JAKMIP1: variants seen among roughly 807,000 people sequenced by gnomAD.
JAKMIP1 encodes janus kinase and microtubule-interacting protein 1.
Under a neutral mutation model 113.0 loss-of-function variants are expected in JAKMIP1, and 33 were observed. The observed-to-expected ratio is 0.29, with a 90% CI of 0.22 to 0.39. The LOEUF is 0.39. Ranked by LOEUF, JAKMIP1 falls within the 10% of genes least tolerant of loss-of-function variation. JAKMIP1 has a pLI of 1.00. For synonymous variants in JAKMIP1, 480 were observed against 459.9 expected (o/e 1.04, Z -0.56); for missense variants, 813 against 1,080.5 (o/e 0.75, Z 3.47).
rs543781689 is a variant in JAKMIP1, at chr4:6,067,859, C to A, written c.1303-2851G>T. On this transcript the variant is annotated intron_variant, in intron 8 of 20. Coordinates refer to ENST00000409021, the MANE Select transcript of JAKMIP1 (RefSeq NM_001099433.2). The surrounding 1 kb of genome is among the most constrained non-coding windows in gnomAD (Gnocchi z 4.6). The stretch of plus-strand genomic sequence containing the variant: ...TCTTCTGCACACGCAGGTCACCCCC[C>A]TGAGCTCCACGTTCCACATTTTTCT... Among the ~76,000 whole-genome samples the A allele has an allele frequency of 6.6e-6, 1 of 152,058 alleles. No individual in the cohort carries two copies. Among genetic ancestry groups the A allele is most frequent in the African/African-American group, 2.4e-5 (1 of 41,400 alleles).
In JAKMIP1 at chr4:6,175,466, A is replaced by G. The variant is rs149593090; in HGVS notation, c.-148+24787T>C. Among the ~76,000 whole-genome samples the G allele has an allele frequency of 1.9e-4, 29 of 152,368 alleles. 1 individual carries two copies. In the East Asian group the frequency reaches 5.2e-3, roughly 27 times the overall value. On this transcript the variant is annotated intron_variant, in intron 1 of 20. Transcript: ENST00000409021. The stretch of plus-strand genomic sequence containing the variant: ...TTTGCAACACTTTCAAGAATTTTGT[A>G]GACAATTTTCAAAGTTCCCAGTAGC...
chr4:6,028,776 C>T (rs373091862), intron 20 of JAKMIP1, among the ~76,000 whole-genome samples: 104 of 152,334 alleles, frequency 6.8e-4, no homozygotes, highest in African/African-American at 1.9e-3. Context: ...ATGCCGGCCA[C>T]GGACCTCCTG....
chr4:6,082,434 G>A (rs1268744844), intron 5 of JAKMIP1, among the ~76,000 whole-genome samples: 1 of 151,508 alleles, frequency 6.6e-6, no homozygotes, highest in Non-Finnish European at 1.5e-5. Context: ...GAACCTTTAT[G>A]TAAAGTCAGT....
chr4:6,036,394 G>T (rs771655146), intron 18 of JAKMIP1, among the ~76,000 whole-genome samples: 1 of 152,218 alleles, frequency 6.6e-6, no homozygotes, highest in Non-Finnish European at 1.5e-5. Context: ...ATTCCCTTAA[G>T]ATGCATGACT....
In JAKMIP1 at chr4:6,167,226, T is replaced by C. The variant is rs530379501; in HGVS notation, c.-148+33027A>G. On this transcript the variant is annotated intron_variant, in intron 1 of 20. Coordinates refer to ENST00000409021, the MANE Select transcript of JAKMIP1 (RefSeq NM_001099433.2). The surrounding 1 kb of genome is among the most constrained non-coding windows in gnomAD (Gnocchi z 5.3). ...CCAGACCCAGGGCCTGTGAGTCCAC[T>C]TGGAGCACTCCCTCCCTCCCTCTTG... Among the ~76,000 whole-genome samples the C allele has an allele frequency of 2.1e-4, 32 of 152,244 alleles. No homozygotes were observed. Among genetic ancestry groups the C allele is most frequent in the African/African-American group, 7.5e-4 (31 of 41,538 alleles).
At position 6,042,476 on chromosome 4, in the gene JAKMIP1, GCCT is replaced by G; in HGVS notation, c.2029-252_2029-250del. ...ACGTGGTGTGGAAGCTGGATTCAGA[GCCT>G]GGATGGACCCGAGTGTGGGCGGCTG... is the stretch of plus-strand genomic sequence containing the variant. On this transcript the variant is annotated intron_variant, in intron 16 of 20. Transcript: ENST00000409021. The surrounding 1 kb of genome is among the most constrained non-coding windows in gnomAD (Gnocchi z 5.2). 6.6e-6 allele frequency among the ~76,000 whole-genome samples: 1 copy of G among 152,220 alleles called. No homozygotes were observed. Among genetic ancestry groups the G allele is most frequent in the East Asian group, 1.9e-4 (1 of 5,168 alleles).
At chr4:6,112,578 G>A (rs1315031973) in intron 2 of JAKMIP1, 144 bp downstream of exon 2, 16 of 998,822 alleles carry the variant, frequency 1.6e-5, no homozygotes, top group Non-Finnish European at 2.2e-5. Context: ...GTACTGCAAA[G>A]GGACAGACAG....
Position 6,108,453 on chromosome 4 carries a change from T to G in JAKMIP1, c.130-2486A>C, listed in dbSNP as rs1578255960. On this transcript the variant is annotated intron_variant, in intron 2 of 20. Transcript: ENST00000409021. The surrounding 1 kb of genome is among the most constrained non-coding windows in gnomAD (Gnocchi z 5.6). ...CAAGAGAGGGAGCATGCCCTGGGGG[T>G]GTGGGGGCTGGCGTGGAGAAATTAT... Among the ~76,000 whole-genome samples the G allele has an allele frequency of 6.6e-6, 1 of 152,066 alleles. No individual in the cohort carries two copies. The highest frequency in any genetic ancestry group is 2.4e-5 in the African/African-American group (1 of 41,418).
chr4:6,134,548 G>T (rs1326160381), intron 1 of JAKMIP1, among the ~76,000 whole-genome samples: 1 of 152,084 alleles, frequency 6.6e-6, no homozygotes, highest in African/African-American at 2.4e-5. Flanking sequence ...CTGGGTCAAG[G>T]GCTTCCTCTG....
intron 1 of JAKMIP1, among the ~76,000 whole-genome samples, chr4:6,119,348 AGCCTGACCCAAC>A (rs1716353905): frequency 6.6e-6 from 1 of 151,974 alleles, no homozygotes. Flanking sequence ...GTTCGAGACT[AGCCTGACCCAAC>A]ATGAAGAAAC....
intron 20 of JAKMIP1, among the ~76,000 whole-genome samples, chr4:6,028,897 C>T (rs1349277941): frequency 6.6e-6 from 1 of 152,220 alleles, no homozygotes; most frequent in East Asian, 1.9e-4. Context: ...GCGTACTCAT[C>T]CACAAACATT....
At position 6,064,838 on chromosome 4, in the gene JAKMIP1, G is replaced by C. The variant is rs186840420; in HGVS notation, c.1431+42C>G. ...AAAAGCAGGAGGTGCCGCCCCGAGA[G>C]CATCTGGGGTGAGGTCCCGCCCTCT... is the stretch of plus-strand genomic sequence containing the variant. On this transcript the variant is annotated intron_variant, in intron 9 of 20. Coordinates refer to ENST00000409021, the MANE Select transcript of JAKMIP1 (RefSeq NM_001099433.2). This position sits in a 1 kb window ranked among gnomAD's most constrained non-coding sequence, Gnocchi z 4.3. 1.2e-5 allele frequency: 19 copies of C among 1,611,704 alleles called. No individual in the cohort carries two copies. Among genetic ancestry groups the C allele is most frequent in the Non-Finnish European group, 1.4e-5 (17 of 1,178,758 alleles).
At chr4:6,115,560 CAT>C (rs1453523338) in intron 1 of JAKMIP1, among the ~76,000 whole-genome samples, 2 of 152,202 alleles carry the variant, frequency 1.3e-5, no homozygotes, top group Non-Finnish European at 2.9e-5. Context: ...GTGGAAAGGA[CAT>C]AGCAGCCACG....
Position 6,059,861 on chromosome 4 carries a change from G to A in JAKMIP1, c.1644+563C>T, listed in dbSNP as rs2108781962. ...AGATTTCCACCCAGAGCCCTCTCTG[G>A]CTCCCCCACTCCAGGGGACAGGTCT... On this transcript the variant is annotated intron_variant, in intron 11 of 20. Transcript: ENST00000409021. This position sits in a 1 kb window ranked among gnomAD's most constrained non-coding sequence, Gnocchi z 4.8. Among the ~76,000 whole-genome samples, 1 of 152,054 alleles carries A rather than the reference G, an allele frequency of 6.6e-6. No homozygotes were observed. Among genetic ancestry groups the A allele is most frequent in the East Asian group, 1.9e-4 (1 of 5,158 alleles).
At chr4:6,151,119 G>A (rs1360226589) in intron 1 of JAKMIP1, among the ~76,000 whole-genome samples, 1 of 152,160 alleles carries the variant, frequency 6.6e-6, no homozygotes, top group African/African-American at 2.4e-5. Context: ...AAGCTCCTGA[G>A]CTTGTCTCCT....
At chr4:6,114,161 G>A (rs925918411) in intron 1 of JAKMIP1, among the ~76,000 whole-genome samples, 1 of 152,224 alleles carries the variant, frequency 6.6e-6, no homozygotes, top group Non-Finnish European at 1.5e-5. Context: ...TGTAGGGAAT[G>A]AATGCAGAGC....
At position 6,137,440 on chromosome 4, in the gene JAKMIP1, TAC is replaced by T. The variant is rs1225914263; in HGVS notation, c.-147-24445_-147-24444del. Among the ~76,000 whole-genome samples, 1 of 152,202 alleles carries T rather than the reference TAC, an allele frequency of 6.6e-6. No homozygotes were observed. The highest frequency in any genetic ancestry group is 2.4e-5 in the African/African-American group (1 of 41,460). The stretch of plus-strand genomic sequence containing the variant: ...GGAACCTTAATCACGTCACACCTGA[TAC>T]AGTTCCTGAAAAGTCGTCTCACACC... On this transcript the variant is annotated intron_variant, in intron 1 of 20. Transcript: ENST00000409021. This position sits in a 1 kb window ranked among gnomAD's most constrained non-coding sequence, Gnocchi z 4.5.
rs73075472 is a variant in JAKMIP1 at position 6,162,209 on chromosome 4, G to T, written c.-148+38044C>A. Among the ~76,000 whole-genome samples the T allele has an allele frequency of 3.4e-3, 518 of 152,224 alleles. 3 individuals are homozygous for T. Among genetic ancestry groups the T allele is most frequent in the African/African-American group, 0.012 (494 of 41,528 alleles). ...CGTCCCACTAGAGGGCAGTGGGAGCGACTGCAGACCACTGGTCTTATGAGG... is the reference window on the plus strand; with the variant it reads ...CGTCCCACTAGAGGGCAGTGGGAGCTACTGCAGACCACTGGTCTTATGAGG... On this transcript the variant is annotated intron_variant, in intron 1 of 20. Transcript: ENST00000409021. The surrounding 1 kb of genome is among the most constrained non-coding windows in gnomAD (Gnocchi z 5.6).
chr4:6,123,604 G>A (rs1716999809), intron 1 of JAKMIP1, among the ~76,000 whole-genome samples: 1 of 152,172 alleles, frequency 6.6e-6, no homozygotes, highest in South Asian at 2.1e-4. Flanking sequence ...GAGGATGGTT[G>A]AGCCCAGGAG....
Sources: allele counts gnomAD v4.1 joint callset (sites outside exome capture counted in the v4.1 genomes callset), GRCh38; gene constraint gnomAD v4.1.1; non-coding constraint Gnocchi (gnomAD v3.1); transcripts MANE v1.5; gene names NCBI Gene and HGNC (gene_info 2026-07-23, HGNC 2026-07-21).